Variants in EPHA6 observed in about 807,000 individuals in gnomAD.
EPHA6 encodes the protein EPH receptor A6.
In EPHA6, 50 loss-of-function variants were observed where a neutral mutation model predicts 112.0. The observed-to-expected ratio is 0.45, with a 90% CI of 0.36 to 0.56. The LOEUF (loss-of-function observed/expected upper bound fraction) is 0.56. Among genes scored for constraint, EPHA6 ranks in the 20% least tolerant of loss-of-function variants. The pLI, the probability that EPHA6 is intolerant of heterozygous loss-of-function variation, is 0.00. For synonymous variants in EPHA6, 529 were observed against 490.7 expected, an observed-to-expected ratio of 1.08 and a Z score of -1.03; for missense variants, 1,280 against 1,417.4, an observed-to-expected ratio of 0.90 and a Z score of 1.56.
intron 14 of EPHA6, among the ~76,000 whole-genome samples, chr3:97,694,416 T>G (rs923787635): frequency 6.6e-6 from 1 of 152,106 alleles, no homozygotes; most frequent in Non-Finnish European, 1.5e-5. Context: ...TTTGTATTTT[T>G]GGTAGAGATG....
intron 5 of EPHA6, among the ~76,000 whole-genome samples, chr3:97,256,835 G>A (rs1413168063): frequency 2.0e-5 from 3 of 151,958 alleles, no homozygotes; most frequent in African/African-American, 7.2e-5. Context: ...GCTCCATGTG[G>A]ATATGGAAAC....
chr3:96,876,304 A>G (rs566537011), intron 2 of EPHA6, among the ~76,000 whole-genome samples: 1 of 151,714 alleles, frequency 6.6e-6, no homozygotes, highest in African/African-American at 2.4e-5. Context: ...TCTACAGACA[A>G]CTACCAAATC....
chr3:96,980,284 C>T (rs1294216930), intron 2 of EPHA6, among the ~76,000 whole-genome samples: 1 of 152,140 alleles, frequency 6.6e-6, no homozygotes, highest in African/African-American at 2.4e-5. Flanking sequence ...AGCCAGTTTT[C>T]CCAGCACCAT....
In EPHA6 at chr3:97,141,498, TG is replaced by T. The variant is rs551589854; in HGVS notation, c.1115-84764del. On this transcript the variant is annotated intron_variant, in intron 3 of 17. Coordinates refer to ENST00000389672, the MANE Select transcript of EPHA6 (RefSeq NM_001080448.3). ...TCAAGTATCTTAAGATCTCAGACCA[TG>T]GTGGAATAAAATTAGACGTCAGTGC... is the stretch of plus-strand genomic sequence containing the variant. Among the ~76,000 whole-genome samples, 20 of 151,988 alleles carry T rather than the reference TG, an allele frequency of 1.3e-4. No homozygotes were observed. The East Asian group carries it at 3.9e-3, about 29-fold the overall frequency.
intron 14 of EPHA6, among the ~76,000 whole-genome samples, chr3:97,644,797 T>A (rs2094043032): frequency 6.6e-6 from 1 of 151,794 alleles, no homozygotes; most frequent in Non-Finnish European, 1.5e-5. Flanking sequence ...CAATAATCAA[T>A]AGTTTACCAA....
intron 2 of EPHA6, among the ~76,000 whole-genome samples, chr3:96,977,015 A>G (rs893860870): frequency 6.6e-6 from 1 of 152,142 alleles, no homozygotes; most frequent in Non-Finnish European, 1.5e-5. Flanking sequence ...GAAGTCTGTC[A>G]GGGTGTGAGA....
At chr3:97,374,770 T>C (rs891759311) in intron 5 of EPHA6, among the ~76,000 whole-genome samples, 3 of 152,128 alleles carry the variant, frequency 2.0e-5, no homozygotes, top group Non-Finnish European at 2.9e-5. Flanking sequence ...TTATGTCCTT[T>C]ACAACAACAC....
intron 3 of EPHA6, among the ~76,000 whole-genome samples, chr3:97,187,337 G>A (rs907964445): frequency 6.6e-6 from 1 of 151,982 alleles, no homozygotes; most frequent in Admixed American, 6.6e-5. Context: ...CAGCACATTG[G>A]GAGGCTGAGG....
At chr3:96,901,711 G>T (rs1167039763) in intron 2 of EPHA6, among the ~76,000 whole-genome samples, 1 of 152,092 alleles carries the variant, frequency 6.6e-6, no homozygotes, top group Non-Finnish European at 1.5e-5. Context: ...TGTTGCCAAG[G>T]AGAACAAAGA....
intron 1 of EPHA6, among the ~76,000 whole-genome samples, chr3:96,826,023 A>G (rs1408312547): frequency 2.6e-5 from 4 of 151,998 alleles, no homozygotes; most frequent in South Asian, 4.1e-4. Flanking sequence ...TATAATTGCA[A>G]CACCCTATTG....
rs1321382404 is a variant in EPHA6, at chr3:97,045,353, G to A, written c.1114+57360G>A. Among the ~76,000 whole-genome samples the A allele has an allele frequency of 2.0e-5, 3 of 152,068 alleles. No individual in the cohort carries two copies. The East Asian group carries it at 5.8e-4, about 29-fold the overall frequency. ...AGCTAATTGCAATATGATTAAGAAG[G>A]ATCGGTATGTCACAAAATGATAAAA... is the stretch of plus-strand genomic sequence containing the variant. On this transcript the variant is annotated intron_variant, in intron 3 of 17. Coordinates refer to ENST00000389672, the MANE Select transcript of EPHA6 (RefSeq NM_001080448.3).
chr3:96,910,344 T>A (rs11921304), intron 2 of EPHA6, among the ~76,000 whole-genome samples: 2,442 of 152,210 alleles, frequency 0.016, 68 homozygotes, highest in African/African-American at 0.049. Flanking sequence ...AGTCCTTGCC[T>A]GGCAGTTGCC....
chr3:97,732,347 T>TTA (rs1252611673), intron 15 of EPHA6, among the ~76,000 whole-genome samples: 8 of 151,680 alleles, frequency 5.3e-5, no homozygotes, highest in African/African-American at 1.7e-4. Context: ...TGAGGCTGGG[T>TTA]TAGGTACCTC....
chr3:97,597,188 T>C (rs1390666989), intron 12 of EPHA6, among the ~76,000 whole-genome samples: 5 of 152,026 alleles, frequency 3.3e-5, no homozygotes, highest in African/African-American at 1.2e-4. Flanking sequence ...TCTTTAGTTA[T>C]TGAAGGAATA....
At position 97,496,824 on chromosome 3, in the gene EPHA6, A is replaced by C. The variant is rs377278415; in HGVS notation, c.2200+12765A>C. 5.2e-3 allele frequency among the ~76,000 whole-genome samples: 789 copies of C among 152,188 alleles called. 7 individuals are homozygous for C. Among genetic ancestry groups the C allele is most frequent in the African/African-American group, 0.017 (721 of 41,512 alleles). On this transcript the variant is annotated intron_variant, in intron 10 of 17. Transcript: ENST00000389672. ...ATTGATGCACACACACAAAAAAAAA[A>C]CCAACTGCCTCAGCAGAACCAACAG...
Position 97,730,230 on chromosome 3 carries a change from G to A in EPHA6, c.2935-5695G>A, listed in dbSNP as rs192414346. 1.4e-4 allele frequency among the ~76,000 whole-genome samples: 22 copies of A among 152,078 alleles called. 1 individual carries two copies. Among genetic ancestry groups the A allele is most frequent in the Admixed American group, 1.3e-3 (20 of 15,264 alleles). On this transcript the variant is annotated intron_variant, in intron 15 of 17. Transcript: ENST00000389672. The stretch of plus-strand genomic sequence containing the variant: ...TGATTCAGAAACCATCAAGAAAATT[G>A]GAAAACTCATCAGATTCAGCAAGAG...
At chr3:96,881,890 G>T (rs1033723016) in intron 2 of EPHA6, among the ~76,000 whole-genome samples, 8 of 152,168 alleles carry the variant, frequency 5.3e-5, no homozygotes, top group Non-Finnish European at 1.0e-4. Context: ...AAATCTTAAA[G>T]CTCCGAAATC....
chr3:97,539,524 C>A (rs1435171318), intron 11 of EPHA6, among the ~76,000 whole-genome samples: 1 of 152,094 alleles, frequency 6.6e-6, no homozygotes, highest in Non-Finnish European at 1.5e-5. Context: ...TGGGTCAGGT[C>A]CCTGAGTCTA....
chr3:97,514,211 T>C (rs1464123769), intron 10 of EPHA6, among the ~76,000 whole-genome samples: 1 of 152,184 alleles, frequency 6.6e-6, no homozygotes, highest in Non-Finnish European at 1.5e-5. Context: ...TGTTTCCTCC[T>C]CTTTTCCAGC....
Sources: allele counts gnomAD v4.1 joint callset (sites outside exome capture counted in the v4.1 genomes callset), GRCh38; gene constraint gnomAD v4.1.1; transcripts MANE v1.5; gene names NCBI Gene and HGNC (gene_info 2026-07-23, HGNC 2026-07-21).